The following LIG1 variants were observed in gnomAD, a reference collection of about 807,000 sequenced individuals.
LIG1 encodes the protein ligase I, DNA, ATP-dependent.
LIG1 carries 70 observed loss-of-function variants against 115.7 expected under a neutral mutation model. That is an observed-to-expected ratio of 0.60 (90% CI 0.50 to 0.74). The LOEUF is 0.74. Ranked by LOEUF, LIG1 falls within the 30% of genes least tolerant of loss-of-function variation. The probability of loss-of-function intolerance (pLI) is 0.00; values close to 1 mark genes in which losing one functional copy is unlikely to be tolerated. For missense variants in LIG1, 1,115 were observed against 1,225.6 expected, an observed-to-expected ratio of 0.91 and a Z score of 1.35; for synonymous variants, 487 against 495.3, an observed-to-expected ratio of 0.98 and a Z score of 0.22.
chr19:48,151,235 AG>A lies in LIG1; in HGVS notation c.570del (p.Ser191ProfsTer53). On this transcript the variant is annotated frameshift_variant, in exon 7 of 28. Transcript: ENST00000263274. LOFTEE classifies it high-confidence loss of function. ...QPTTPPKPLK[T>X]SKAETPTESV... ...GAGGAGAGGACCAGAAACTCACTGGAGGTCTTTAGGGGCTTGGGAGGCGTGG... is the reference window on the plus strand; with the variant it reads ...GAGGAGAGGACCAGAAACTCACTGGAGTCTTTAGGGGCTTGGGAGGCGTGG... 6.2e-7 allele frequency: 1 copy of A among 1,607,648 alleles called. No homozygotes were observed. The highest frequency in any genetic ancestry group is 1.1e-5 in the South Asian group (1 of 90,940).
intron 21 of LIG1, among the ~76,000 whole-genome samples, chr19:48,126,137 T>C (rs1024293238): frequency 2.0e-5 from 3 of 152,092 alleles, no homozygotes; most frequent in African/African-American, 7.2e-5. Context: ...CACTGTTAGC[T>C]CCTTACTGTA....
chr19:48,145,616 T>C (rs2035064370), intron 9 of LIG1, among the ~76,000 whole-genome samples: 2 of 152,084 alleles, frequency 1.3e-5, no homozygotes, highest in African/African-American at 4.8e-5. Context: ...GCCTTTGGTA[T>C]GAACTTGGGG....
intron 2 of LIG1, among the ~76,000 whole-genome samples, chr19:48,163,760 G>A (rs575025773): frequency 9.9e-5 from 15 of 151,958 alleles, no homozygotes; most frequent in Non-Finnish European, 2.1e-4. Context: ...TGGCTAACAC[G>A]GTGAAACCCT....
At chr19:48,160,374 G>A (rs2036103890) in intron 4 of LIG1, among the ~76,000 whole-genome samples, 1 of 152,202 alleles carries the variant, frequency 6.6e-6, no homozygotes, top group Admixed American at 6.5e-5. Context: ...TGGCCCAGAG[G>A]TGGAAGTGCA....
At chr19:48,159,199 T>C (rs983570311) in intron 4 of LIG1, among the ~76,000 whole-genome samples, 1 of 151,998 alleles carries the variant, frequency 6.6e-6, no homozygotes, top group Non-Finnish European at 1.5e-5. Flanking sequence ...TGCCTCAGCC[T>C]CCCAAGTAGC....
At position 48,119,169 on chromosome 19, in the gene LIG1, C is replaced by G. The variant is rs371768197; in HGVS notation, c.2407G>C (p.Glu803Gln). The part of the protein sequence containing the change: ...ICKLGTGFSD[E>Q]ELEEHHQSLK... Reference sequence around the variant, plus strand: ...CTCTGGTGATGCTCCTCCAGCTCCTCATCACTGAAGCCAGTTCCAAGCTGC... The same window carrying G: ...CTCTGGTGATGCTCCTCCAGCTCCTGATCACTGAAGCCAGTTCCAAGCTGC... The change falls in exon 25 of 28, where the codon GAG (glutamate) becomes CAG (glutamine). Residue 803 changes from glutamate (E) to glutamine (Q), a missense_variant. By Grantham distance (29) the Glu-to-Gln change is conservative. Coordinates refer to ENST00000263274, the MANE Select transcript of LIG1 (RefSeq NM_000234.3). The G allele has an allele frequency of 4.4e-6, 7 of 1,584,906 alleles. No homozygotes were observed. The Admixed American group carries it at 8.9e-5, about 20-fold the overall frequency.
chr19:48,133,156 A>T, intron 17 of LIG1, 59 bp from the exon 18 acceptor site: 1 of 1,113,858 alleles, frequency 9.0e-7, no homozygotes, highest in South Asian at 1.2e-5. Flanking sequence ...GAGGGGGAAC[A>T]TGGAGAGGAG....
rs73572116 is a variant in LIG1, at chr19:48,136,725, G to A, written c.1331+283C>T. Reference sequence around the variant, plus strand: ...AAACAAACCCTGGCTTCCTGCTGCAGGGCCCGCGCCCAAGCCGAGGCAGAC... The same window carrying A: ...AAACAAACCCTGGCTTCCTGCTGCAAGGCCCGCGCCCAAGCCGAGGCAGAC... On this transcript the variant is annotated intron_variant, in intron 14 of 27. Coordinates refer to ENST00000263274, the MANE Select transcript of LIG1 (RefSeq NM_000234.3). Among the ~76,000 whole-genome samples, 732 of 152,318 alleles carry A rather than the reference G, an allele frequency of 4.8e-3. 4 individuals carry two copies. The highest frequency in any genetic ancestry group is 0.017 in the African/African-American group (706 of 41,560).
At chr19:48,117,835 G>C (rs1568472761) in intron 25 of LIG1, 54 bp from the exon 26 acceptor site, 3 of 1,597,094 alleles carry the variant, frequency 1.9e-6, no homozygotes, top group African/African-American at 1.3e-5. Flanking sequence ...CAAAGTCAAG[G>C]CCAAGTGTTG....
Position 48,162,250 on chromosome 19 carries a change from C to G in LIG1, c.107+12G>C. ...AGGAAAAAATTCACCATATCCCAGC[C>G]CTGTGACATACTTTGGAGGGGGCTC... On this transcript the variant is annotated intron_variant, in intron 3 of 27. Transcript: ENST00000263274. 6.2e-7 allele frequency: 1 copy of G among 1,604,964 alleles called. No individual in the cohort carries two copies. Among genetic ancestry groups the G allele is most frequent in the Non-Finnish European group, 8.5e-7 (1 of 1,171,756 alleles).
At chr19:48,135,431 G>A (rs982286814) in intron 16 of LIG1, among the ~76,000 whole-genome samples, 11 of 152,118 alleles carry the variant, frequency 7.2e-5, no homozygotes, top group Admixed American at 1.3e-4. Context: ...CGCTGCCAGC[G>A]TCTTTCTATA....
chr19:48,138,413 GA>G (rs1197782807), intron 12 of LIG1, among the ~76,000 whole-genome samples: 10 of 152,308 alleles, frequency 6.6e-5, no homozygotes, highest in Non-Finnish European at 1.2e-4. Flanking sequence ...CGTAATGAAC[GA>G]ACAAGTGCGC....
rs2036155640 is a variant in LIG1 at position 48,161,193 on chromosome 19, G to T, written c.243+179C>A. ...AACGTGGTGAAGGAGCCCACCCGAG[G>T]TCCTAGGGCAGGGGCAATTAGGACC... On this transcript the variant is annotated intron_variant, in intron 4 of 27. Transcript: ENST00000263274. The T allele has an allele frequency of 8.4e-6, 7 of 837,104 alleles. No individual in the cohort carries two copies. In the Admixed American group the frequency reaches 1.1e-4, roughly 14 times the overall value. The allele number at this position is 837,104 out of a possible 1,614,324, so 51.9% of individuals were successfully genotyped here.
chr19:48,157,102 A>G lies in LIG1; in HGVS notation c.282T>C (p.Arg94=), dbSNP rs1041030871. 1 of 1,613,640 alleles carries G rather than the reference A, an allele frequency of 6.2e-7. No individual in the cohort carries two copies. The highest frequency in any genetic ancestry group is 1.3e-5 in the African/African-American group (1 of 74,976). ...CATTGTTCTCAGGAGATGTGGCAGGACGGGGCGGGGAGACCTGTGAGCAGT... is the reference window on the plus strand; with the variant it reads ...CATTGTTCTCAGGAGATGTGGCAGGGCGGGGCGGGGAGACCTGTGAGCAGT... ...ALDCSQVSPP[R]PATSPENNAS... The change falls in exon 5 of 28, where the codon CGT becomes CGC. Residue 94 remains arginine (R), a synonymous_variant. Coordinates refer to ENST00000263274, the MANE Select transcript of LIG1 (RefSeq NM_000234.3).
chr19:48,132,063 C>A (rs765747385), intron 18 of LIG1, among the ~76,000 whole-genome samples: 1 of 151,710 alleles, frequency 6.6e-6, no homozygotes, highest in Non-Finnish European at 1.5e-5. Flanking sequence ...CTCAGCCTCC[C>A]GAGTAGCTGG....
chr19:48,124,678 T>C (rs153021), intron 21 of LIG1, among the ~76,000 whole-genome samples: 45,907 of 152,158 alleles, frequency 0.3, 7,973 homozygotes, highest in East Asian at 0.55. Flanking sequence ...TATGATTTTA[T>C]CTGTTTCTTC....
chr19:48,139,023 G>A (rs760667880), intron 12 of LIG1, among the ~76,000 whole-genome samples: 1 of 152,106 alleles, frequency 6.6e-6, no homozygotes, highest in African/African-American at 2.4e-5. Context: ...TTCCCTAAAT[G>A]TTGGTGCCCA....
At chr19:48,168,506 C>A (rs1036621726) in intron 1 of LIG1, among the ~76,000 whole-genome samples, 2 of 152,128 alleles carry the variant, frequency 1.3e-5, no homozygotes, top group Admixed American at 1.3e-4. Flanking sequence ...GACCACCTGG[C>A]GTCTCTATCG....
chr19:48,149,875 C>T, intron 8 of LIG1, 34 bp from the exon 9 acceptor site: 2 of 1,601,576 alleles, frequency 1.2e-6, no homozygotes, highest in Non-Finnish European at 1.7e-6. Context: ...TGGGTCTTTT[C>T]TCCTTCCGGT....
Sources: allele counts gnomAD v4.1 joint callset (sites outside exome capture counted in the v4.1 genomes callset), GRCh38; gene constraint gnomAD v4.1.1; transcripts MANE v1.5; gene names NCBI Gene and HGNC (gene_info 2026-07-23, HGNC 2026-07-21).